Variants in ABI3BP observed in about 807,000 individuals in gnomAD.
ABI3BP encodes the protein ABI family member 3 binding protein.
ABI3BP carries 216 observed loss-of-function variants against 268.6 expected under a neutral mutation model. The observed-to-expected ratio is 0.80, with a 90% CI of 0.72 to 0.90. The LOEUF is 0.90. Among genes scored for constraint, ABI3BP ranks in the 40% least tolerant of loss-of-function variants. The pLI is 0.00. For synonymous variants in ABI3BP, 730 were observed against 730.0 expected, an observed-to-expected ratio of 1.00 and a Z score of 0.00; for missense variants, 2,090 against 2,182.4, an observed-to-expected ratio of 0.96 and a Z score of 0.84.
intron 2 of ABI3BP, among the ~76,000 whole-genome samples, chr3:100,904,918 C>T (rs1368691011): frequency 6.6e-6 from 1 of 152,178 alleles, no homozygotes; most frequent in Non-Finnish European, 1.5e-5. Flanking sequence ...TGGGTATATA[C>T]CCAAAGGATT....
At chr3:100,765,699 G>A (rs2096241864) in intron 63 of ABI3BP, 142 bp downstream of exon 63, 1 of 623,022 alleles carries the variant, frequency 1.6e-6, no homozygotes, top group African/African-American at 1.8e-5. Flanking sequence ...GAGGTATCTA[G>A]TGCTATATAT....
At chr3:100,785,318 G>A (rs544017148) in intron 57 of ABI3BP, among the ~76,000 whole-genome samples, 3 of 152,128 alleles carry the variant, frequency 2.0e-5, no homozygotes, top group Non-Finnish European at 4.4e-5. Flanking sequence ...AATTGTGTCA[G>A]AGAAGAAAAG....
chr3:100,808,721 A>T (rs1006192238), intron 49 of ABI3BP, among the ~76,000 whole-genome samples: 6 of 152,094 alleles, frequency 3.9e-5, no homozygotes, highest in Non-Finnish European at 7.4e-5. Flanking sequence ...TTTATTGGTT[A>T]TATAGGGGAA....
intron 33 of ABI3BP, among the ~76,000 whole-genome samples, chr3:100,828,936 C>T (rs2098437019): frequency 6.6e-6 from 1 of 152,024 alleles, no homozygotes. Flanking sequence ...ACTCCTCAGG[C>T]CAGCATTCAA....
At chr3:100,916,457 G>A (rs931371998) in intron 2 of ABI3BP, among the ~76,000 whole-genome samples, 2 of 152,182 alleles carry the variant, frequency 1.3e-5, no homozygotes, top group Admixed American at 6.5e-5. Flanking sequence ...AGAAAAGCAC[G>A]TTGGCATGGT....
At chr3:100,933,816 T>C (rs1355163317) in intron 1 of ABI3BP, among the ~76,000 whole-genome samples, 1 of 151,786 alleles carries the variant, frequency 6.6e-6, no homozygotes, top group Non-Finnish European at 1.5e-5. Flanking sequence ...TTGGGAGATA[T>C]TGTCTGTAAC....
At chr3:100,921,303 A>G (rs2060143838) in intron 2 of ABI3BP, among the ~76,000 whole-genome samples, 1 of 152,226 alleles carries the variant, frequency 6.6e-6, no homozygotes, top group African/African-American at 2.4e-5. Context: ...CGTGCACCAC[A>G]TAACTGTGGC....
intron 61 of ABI3BP, among the ~76,000 whole-genome samples, chr3:100,774,349 G>A (rs1559971124): frequency 6.6e-6 from 1 of 152,116 alleles, no homozygotes; most frequent in Non-Finnish European, 1.5e-5. Flanking sequence ...GGGAATCAGA[G>A]TAAACACATG....
chr3:100,768,236 C>T (rs1224705387), intron 62 of ABI3BP, among the ~76,000 whole-genome samples: 2 of 151,914 alleles, frequency 1.3e-5, no homozygotes, highest in Middle Eastern at 3.2e-3. Flanking sequence ...CTACAGGCGC[C>T]CGCCACCACA....
intron 6 of ABI3BP, among the ~76,000 whole-genome samples, chr3:100,880,651 G>T (rs1581709465): frequency 2.6e-5 from 4 of 152,240 alleles, no homozygotes; most frequent in Admixed American, 2.6e-4. Flanking sequence ...AATGCAGCAT[G>T]CTTTCTTGCC....
chr3:100,814,045 C>A (rs1357608014), intron 44 of ABI3BP, among the ~76,000 whole-genome samples: 1 of 151,942 alleles, frequency 6.6e-6, no homozygotes, highest in Non-Finnish European at 1.5e-5. Context: ...ATAGAATGAA[C>A]TAAAATTGTT....
chr3:100,750,870 A>G (rs2095275046), intron 67 of ABI3BP, among the ~76,000 whole-genome samples: 1 of 152,178 alleles, frequency 6.6e-6, no homozygotes, highest in African/African-American at 2.4e-5. Context: ...ACTGCCCATT[A>G]TGTGTTCAAA....
chr3:100,885,963 A>G (rs2041822193), intron 5 of ABI3BP, among the ~76,000 whole-genome samples, 179 bp downstream of exon 5: 1 of 152,078 alleles, frequency 6.6e-6, no homozygotes, highest in Non-Finnish European at 1.5e-5. Flanking sequence ...AATCACTTAT[A>G]ACTAAAGATT....
chr3:100,836,722 A>T (rs2098597948), intron 27 of ABI3BP, among the ~76,000 whole-genome samples: 1 of 152,210 alleles, frequency 6.6e-6, no homozygotes. Flanking sequence ...AGAAACAGTT[A>T]TGTACCATCA....
intron 9 of ABI3BP, among the ~76,000 whole-genome samples, chr3:100,872,865 A>T (rs1232295801): frequency 1.3e-5 from 2 of 152,180 alleles, no homozygotes; most frequent in Non-Finnish European, 2.9e-5. Context: ...CTGGGAAGTA[A>T]CTAACTCTAG....
chr3:100,913,137 C>T (rs949447056), intron 2 of ABI3BP, among the ~76,000 whole-genome samples: 1 of 152,126 alleles, frequency 6.6e-6, no homozygotes, highest in Non-Finnish European at 1.5e-5. Flanking sequence ...TGCACTCCAC[C>T]CACCCCACCC....
intron 67 of ABI3BP, among the ~76,000 whole-genome samples, chr3:100,751,104 A>G (rs1429675279): frequency 6.6e-6 from 1 of 152,134 alleles, no homozygotes; most frequent in African/African-American, 2.4e-5. Context: ...GTCTTTAGCA[A>G]TTTACAGAGG....
intron 1 of ABI3BP, among the ~76,000 whole-genome samples, chr3:100,948,145 G>A (rs2073367550): frequency 6.6e-6 from 1 of 152,122 alleles, no homozygotes; most frequent in South Asian, 2.1e-4. Context: ...AGAGGACAGA[G>A]GGCCCTGGTA....
intron 1 of ABI3BP, among the ~76,000 whole-genome samples, chr3:100,955,829 G>A (rs1435843771): frequency 6.6e-6 from 1 of 151,976 alleles, no homozygotes; most frequent in Non-Finnish European, 1.5e-5. Flanking sequence ...CAAACAAAAA[G>A]CCATACTTTC....
Sources: allele counts gnomAD v4.1 joint callset (sites outside exome capture counted in the v4.1 genomes callset), GRCh38; gene constraint gnomAD v4.1.1; transcripts MANE v1.5; gene names NCBI Gene and HGNC (gene_info 2026-07-23, HGNC 2026-07-21).